The following CDH18 variants were observed in gnomAD, a reference collection of about 807,000 sequenced individuals.
The protein encoded by CDH18 is cadherin 18.
CDH18 carries 31 observed loss-of-function variants against 67.9 expected under a neutral mutation model. The ratio of observed to expected loss-of-function variants is 0.46; its 90% CI spans 0.34 to 0.62. CDH18 has a LOEUF of 0.62. Among genes scored for constraint, CDH18 ranks in the 20% least tolerant of loss-of-function variants. The pLI is 0.01. For synonymous variants in CDH18, 362 were observed against 347.2 expected, an observed-to-expected ratio of 1.04 and a Z score of -0.48; for missense variants, 890 against 975.5, an observed-to-expected ratio of 0.91 and a Z score of 1.17.
chr5:19,838,730 A>G (rs545255378), intron 3 of CDH18, 29 bp downstream of exon 3: 26 of 1,518,906 alleles, frequency 1.7e-5, no homozygotes, highest in African/African-American at 4.1e-5. Flanking sequence ...CTCAGGATAG[A>G]AAAAACAGCA....
At chr5:20,543,266 T>C (rs1757155477) in intron 1 of CDH18, among the ~76,000 whole-genome samples, 1 of 148,444 alleles carries the variant, frequency 6.7e-6, no homozygotes. Context: ...TAAAAACTTA[T>C]ATTTCATCTT....
chr5:20,344,595 A>G (rs1270240168), intron 1 of CDH18, among the ~76,000 whole-genome samples: 1 of 152,028 alleles, frequency 6.6e-6, no homozygotes. Flanking sequence ...AGCATACCAT[A>G]CCGTCTTCAC....
intron 2 of CDH18, among the ~76,000 whole-genome samples, chr5:20,087,309 G>T (rs1050678498): frequency 1.3e-5 from 2 of 152,068 alleles, no homozygotes; most frequent in African/African-American, 4.8e-5. Flanking sequence ...TCTTTGTGAA[G>T]ATGATGTGAA....
At chr5:20,372,989 A>G (rs1743126867) in intron 1 of CDH18, among the ~76,000 whole-genome samples, 1 of 152,158 alleles carries the variant, frequency 6.6e-6, no homozygotes, top group African/African-American at 2.4e-5. Context: ...TTACTTGGCT[A>G]CTGTGAGGCT....
chr5:20,130,437 A>T (rs1749181296), intron 2 of CDH18, among the ~76,000 whole-genome samples: 1 of 148,710 alleles, frequency 6.7e-6, no homozygotes, highest in Non-Finnish European at 1.5e-5. Context: ...CTTTCAACAG[A>T]CTTTCATCTC....
In CDH18 at chr5:19,662,306, T is replaced by C. The variant is rs1757292011; in HGVS notation, c.644-49705A>G. On this transcript the variant is annotated intron_variant, in intron 5 of 12. Transcript: ENST00000382275. ...TTCCGGCATTTATTTTAGGCCAACA[T>C]GTTCTTCATACGAATAGGGGTGCTG... 2.6e-5 allele frequency among the ~76,000 whole-genome samples: 4 copies of C among 151,160 alleles called. No individual in the cohort carries two copies. The South Asian group carries it at 8.3e-4, about 31-fold the overall frequency.
At chr5:19,585,469 T>C (rs974005127) in intron 7 of CDH18, among the ~76,000 whole-genome samples, 1 of 152,186 alleles carries the variant, frequency 6.6e-6, no homozygotes, top group Non-Finnish European at 1.5e-5. Flanking sequence ...GCTTCTATCT[T>C]CTGTCCTATG....
intron 3 of CDH18, among the ~76,000 whole-genome samples, chr5:19,831,492 A>G (rs1005342871): frequency 6.6e-6 from 1 of 152,146 alleles, no homozygotes; most frequent in Non-Finnish European, 1.5e-5. Flanking sequence ...GCCAACAAGC[A>G]TGTTAAAAAT....
At chr5:20,147,946 T>G (rs1036316486) in intron 2 of CDH18, among the ~76,000 whole-genome samples, 4 of 152,170 alleles carry the variant, frequency 2.6e-5, no homozygotes, top group African/African-American at 9.6e-5. Flanking sequence ...AGAGTTAGAA[T>G]AGTTCAGACT....
chr5:20,467,321 A>T (rs73764061), intron 1 of CDH18, among the ~76,000 whole-genome samples: 9,713 of 134,974 alleles, frequency 0.072, 990 homozygotes, highest in African/African-American at 0.23. Context: ...ATAAAAAAGG[A>T]CTCATTTACT....
chr5:19,775,381 G>A (rs1167859353), intron 3 of CDH18, among the ~76,000 whole-genome samples: 2 of 152,022 alleles, frequency 1.3e-5, no homozygotes, highest in South Asian at 2.1e-4. Flanking sequence ...TCCACAGGCT[G>A]TACAGGAAGC....
Position 19,678,204 on chromosome 5 carries a change from A to T in CDH18, c.643+43143T>A, listed in dbSNP as rs902296055. Among the ~76,000 whole-genome samples, 4 of 151,306 alleles carry T rather than the reference A, an allele frequency of 2.6e-5. No individual in the cohort carries two copies. In the South Asian group the frequency reaches 8.4e-4, roughly 32 times the overall value. ...CTCATCTGCAGATAGCACATGCTCT[A>T]TATTGATCACACAATCAAACATAAA... On this transcript the variant is annotated intron_variant, in intron 5 of 12. Transcript: ENST00000382275.
chr5:20,533,966 G>T (rs1326782625), intron 1 of CDH18, among the ~76,000 whole-genome samples: 1 of 151,502 alleles, frequency 6.6e-6, no homozygotes, highest in Non-Finnish European at 1.5e-5. Context: ...AAAGCTTTTG[G>T]GGTCCTAAGT....
chr5:20,282,226 C>CAACA (rs1746337771), intron 1 of CDH18, among the ~76,000 whole-genome samples: 4 of 152,070 alleles, frequency 2.6e-5, no homozygotes, highest in African/African-American at 7.2e-5. Context: ...GCCTGACTGC[C>CAACA]CTGGCCAGAA....
At chr5:20,334,746 TCTCTCATA>T (rs1429846960) in intron 1 of CDH18, among the ~76,000 whole-genome samples, 202 of 131,082 alleles carry the variant, frequency 1.5e-3, no homozygotes, top group East Asian at 8.5e-3. Flanking sequence ...TCTCTCTCTC[TCTCTCATA>T]CACACACACA....
rs114366605 is a variant in CDH18, at chr5:20,195,822, A to T, written c.-518+59622T>A. ...TCCTTAGATATTTAATTTGTAATTT[A>T]TCATGGGGCTTTTGTAAATATTGAG... On this transcript the variant is annotated intron_variant, in intron 2 of 14. Transcript: ENST00000507958. Among the ~76,000 whole-genome samples the T allele has an allele frequency of 9.2e-3, 1,395 of 152,268 alleles. 19 individuals carry two copies. Among genetic ancestry groups the T allele is most frequent in the African/African-American group, 0.031 (1,289 of 41,586 alleles).
chr5:19,667,949 T>C (rs1245493932), intron 5 of CDH18, among the ~76,000 whole-genome samples: 1 of 151,948 alleles, frequency 6.6e-6, no homozygotes, highest in Admixed American at 6.6e-5. Context: ...GCCTGCCCGA[T>C]AAAAAATAAG....
intron 2 of CDH18, among the ~76,000 whole-genome samples, chr5:19,884,909 C>A (rs970707797): frequency 6.6e-6 from 1 of 151,942 alleles, no homozygotes; most frequent in Non-Finnish European, 1.5e-5. Context: ...AGAACAAAAG[C>A]AAACTAGGGA....
chr5:20,098,364 C>A (rs190698043), intron 2 of CDH18, among the ~76,000 whole-genome samples: 1 of 151,978 alleles, frequency 6.6e-6, no homozygotes, highest in African/African-American at 2.4e-5. Context: ...TATATAGACA[C>A]TGTGTAATAA....
Sources: gnomAD v4.1 joint callset for allele counts (sites outside exome capture counted in the v4.1 genomes callset) on GRCh38, gnomAD v4.1.1 for gene constraint, MANE v1.5 for transcripts, NCBI Gene and HGNC (gene_info 2026-07-23, HGNC 2026-07-21) for gene names.